RIT2: variants seen among roughly 807,000 people sequenced by gnomAD.
The protein encoded by RIT2 is GTP-binding protein Rit2.
In RIT2, 24 loss-of-function variants were observed where a neutral mutation model predicts 23.7. That is an observed-to-expected ratio of 1.01 (90% CI 0.73 to 1.43). The LOEUF (loss-of-function observed/expected upper bound fraction) is 1.43, where lower values mean the gene tolerates loss of function less well. RIT2 is among the 40% of genes most tolerant of loss of function. The pLI, the probability that RIT2 is intolerant of heterozygous loss-of-function variation, is 0.00. For synonymous variants in RIT2, 107 were observed against 91.1 expected (o/e 1.17, Z -0.99); for missense variants, 236 against 266.9 (o/e 0.88, Z 0.81).
chr18:42,805,288 T>C (rs1227290712), intron 4 of RIT2, among the ~76,000 whole-genome samples: 1 of 152,214 alleles, frequency 6.6e-6, no homozygotes, highest in Non-Finnish European at 1.5e-5. Context: ...TCAAATCTCA[T>C]TAATATCTGG....
At chr18:43,052,327 A>G (rs1483558333) in intron 1 of RIT2, among the ~76,000 whole-genome samples, 1 of 152,144 alleles carries the variant, frequency 6.6e-6, no homozygotes, top group Admixed American at 6.6e-5. Context: ...TAAAGAATAA[A>G]GAGCTGTTTA....
intron 1 of RIT2, among the ~76,000 whole-genome samples, chr18:43,056,683 G>A (rs1013844059): frequency 6.6e-6 from 1 of 152,102 alleles, no homozygotes; most frequent in Admixed American, 6.6e-5. Context: ...ATCTGGGCTT[G>A]GGAGCAAAAG....
Position 43,033,808 on chromosome 18 carries a change from T to A in RIT2, c.160+3A>T. 1 of 1,601,280 alleles carries A rather than the reference T, an allele frequency of 6.2e-7. No individual in the cohort carries two copies. The highest frequency in any genetic ancestry group is 8.5e-7 in the Non-Finnish European group (1 of 1,170,112). On this transcript the variant is annotated splice_donor_region_variant and intron_variant, in intron 2 of 4. Transcript: ENST00000326695. ...CTTACGGAGAAAGGAAGCTTCCACT[T>A]ACCTATAGTAGGGTCATGATAATCA...
At chr18:42,756,541 CCTT>C (rs1212785924) in intron 4 of RIT2, among the ~76,000 whole-genome samples, 1 of 152,038 alleles carries the variant, frequency 6.6e-6, no homozygotes, top group East Asian at 1.9e-4. Context: ...GCAATATCTG[CCTT>C]CTTTTTGAAT....
At chr18:43,063,379 G>A (rs1439657887) in intron 1 of RIT2, among the ~76,000 whole-genome samples, 1 of 152,014 alleles carries the variant, frequency 6.6e-6, no homozygotes. Context: ...TGACCTTTGG[G>A]GCTAAACGAG....
At chr18:43,057,751 A>G (rs1912540095) in intron 1 of RIT2, among the ~76,000 whole-genome samples, 1 of 149,380 alleles carries the variant, frequency 6.7e-6, no homozygotes, top group African/African-American at 2.5e-5. Flanking sequence ...GGCAGCAGAT[A>G]TTAATATTTT....
At chr18:43,113,555 C>A (rs1473690873) in intron 1 of RIT2, among the ~76,000 whole-genome samples, 1 of 152,120 alleles carries the variant, frequency 6.6e-6, no homozygotes, top group Non-Finnish European at 1.5e-5. Context: ...GGAACAGTAA[C>A]AATGATCTGT....
intron 2 of RIT2, among the ~76,000 whole-genome samples, chr18:43,027,351 C>A (rs141906898): frequency 1.3e-5 from 2 of 152,062 alleles, no homozygotes; most frequent in East Asian, 3.9e-4. Context: ...ATTTAGAGTG[C>A]AAAGACACCA....
chr18:43,012,333 T>C (rs893045249), intron 2 of RIT2, among the ~76,000 whole-genome samples: 1 of 151,856 alleles, frequency 6.6e-6, no homozygotes, highest in African/African-American at 2.4e-5. Flanking sequence ...AACCACAGTA[T>C]TTTTTAAGTG....
At chr18:43,108,047 G>A (rs1913869876) in intron 1 of RIT2, among the ~76,000 whole-genome samples, 1 of 151,132 alleles carries the variant, frequency 6.6e-6, no homozygotes. Context: ...GGTGGCGGGT[G>A]ACTGTAGTCC....
chr18:42,786,588 A>G (rs1286667531), intron 4 of RIT2, among the ~76,000 whole-genome samples: 2 of 152,142 alleles, frequency 1.3e-5, no homozygotes, highest in African/African-American at 2.4e-5. Context: ...AGTTTGGAGC[A>G]GTTTGGCAAT....
Position 42,958,683 on chromosome 18 carries a change from C to T in RIT2, c.234+15391G>A, listed in dbSNP as rs148698848. 6.2e-3 allele frequency among the ~76,000 whole-genome samples: 937 copies of T among 152,180 alleles called. 27 individuals carry two copies. Among genetic ancestry groups the T allele is most frequent in the East Asian group, 0.049 (253 of 5,160 alleles). Reference sequence around the variant, plus strand: ...TGTCCAGACCAGCGATACTGCCAAGCGCAACTCCTGAACATTTCCCCAAAT... The same window carrying T: ...TGTCCAGACCAGCGATACTGCCAAGTGCAACTCCTGAACATTTCCCCAAAT... On this transcript the variant is annotated intron_variant, in intron 3 of 4. Coordinates refer to ENST00000326695, the MANE Select transcript of RIT2 (RefSeq NM_002930.4).
At chr18:42,878,917 G>A (rs1181582042) in intron 4 of RIT2, among the ~76,000 whole-genome samples, 1 of 145,448 alleles carries the variant, frequency 6.9e-6, no homozygotes, top group African/African-American at 2.6e-5. Flanking sequence ...ATTAAGTGCT[G>A]TTCTAAGTGA....
rs577489724 is a variant in RIT2, at chr18:43,032,812, G to A, written c.160+999C>T. Reference sequence around the variant, plus strand: ...GCAATGGTATGCAAGCAAATATTCTGGGGCCTTTTGGGAAAGAATACAGGA... The same window carrying A: ...GCAATGGTATGCAAGCAAATATTCTAGGGCCTTTTGGGAAAGAATACAGGA... On this transcript the variant is annotated intron_variant, in intron 2 of 4. Transcript: ENST00000326695. Among the ~76,000 whole-genome samples, 186 of 152,180 alleles carry A rather than the reference G, an allele frequency of 1.2e-3. 1 individual carries two copies. Among genetic ancestry groups the A allele is most frequent in the African/African-American group, 4.1e-3 (170 of 41,542 alleles).
chr18:42,881,646 A>G (rs185338256), intron 4 of RIT2, among the ~76,000 whole-genome samples: 3 of 152,238 alleles, frequency 2.0e-5, no homozygotes, highest in African/African-American at 7.2e-5. Flanking sequence ...TTATCTTTAT[A>G]TCTTTATCTG....
intron 3 of RIT2, among the ~76,000 whole-genome samples, chr18:42,933,698 C>G (rs1224129933): frequency 6.6e-6 from 1 of 152,082 alleles, no homozygotes; most frequent in Non-Finnish European, 1.5e-5. Context: ...TGTGAGGTCT[C>G]CCAGCCATGC....
Position 42,804,375 on chromosome 18 carries a change from G to C in RIT2, c.427-60655C>G, listed in dbSNP as rs189899796. On this transcript the variant is annotated intron_variant, in intron 4 of 4. Coordinates refer to ENST00000326695, the MANE Select transcript of RIT2 (RefSeq NM_002930.4). Reference sequence around the variant, plus strand: ...TCAAGACCAGCCTGACCAACATGGTGAAACCCCGTCTCTACTAAAAATACA... The same window carrying C: ...TCAAGACCAGCCTGACCAACATGGTCAAACCCCGTCTCTACTAAAAATACA... 1.0e-3 allele frequency among the ~76,000 whole-genome samples: 159 copies of C among 151,968 alleles called. 1 individual carries two copies. The highest frequency in any genetic ancestry group is 2.4e-4 in the Non-Finnish European group (16 of 67,972).
chr18:42,885,910 G>C (rs1405485668), intron 4 of RIT2, among the ~76,000 whole-genome samples: 1 of 152,196 alleles, frequency 6.6e-6, no homozygotes. Flanking sequence ...AGCCATAGAA[G>C]TGTACTGATT....
chr18:42,848,456 C>G (rs1906966482), intron 4 of RIT2, among the ~76,000 whole-genome samples: 1 of 152,196 alleles, frequency 6.6e-6, no homozygotes, highest in South Asian at 2.1e-4. Context: ...CTAACTGAAA[C>G]TTGGCAGTTA....
Sources: allele counts gnomAD v4.1 joint callset (sites outside exome capture counted in the v4.1 genomes callset), GRCh38; gene constraint gnomAD v4.1.1; transcripts MANE v1.5; gene names NCBI Gene and HGNC (gene_info 2026-07-23, HGNC 2026-07-21).